Variants in SHANK2 observed in about 807,000 individuals in gnomAD.
SHANK2 encodes the protein SH3 and multiple ankyrin repeat domains 2, also known as SH3 and multiple ankyrin repeat domains protein 2.
SHANK2 carries 43 observed loss-of-function variants against 133.7 expected under a neutral mutation model. That is an observed-to-expected ratio of 0.32 (90% confidence interval 0.25 to 0.41). SHANK2 has a LOEUF of 0.41. Among genes scored for constraint, SHANK2 ranks in the 10% least tolerant of loss-of-function variants. The pLI is 1.00. For synonymous variants in SHANK2, 1,017 were observed against 952.8 expected (o/e 1.07, Z -1.24); for missense variants, 1,994 against 2,235.8 (o/e 0.89, Z 2.18).
chr11:70,863,983 G>T (rs1949306852), intron 11 of SHANK2: 7 of 397,588 alleles, frequency 1.8e-5, no homozygotes, highest in Non-Finnish European at 3.5e-5. Context: ...ACTTTCTTAT[G>T]GCAGCCCCAG....
chr11:70,561,817 G>A (rs2059911539), intron 17 of SHANK2, among the ~76,000 whole-genome samples: 1 of 152,084 alleles, frequency 6.6e-6, no homozygotes, highest in Non-Finnish European at 1.5e-5. Context: ...TTACAGGAGT[G>A]AGCCACCACA....
At chr11:71,064,327 GGAGA>G (rs1951020858) in intron 9 of SHANK2, among the ~76,000 whole-genome samples, 1 of 152,208 alleles carries the variant, frequency 6.6e-6, no homozygotes, top group Non-Finnish European at 1.5e-5. Context: ...TGGGATGGGA[GGAGA>G]GAGAGCCTGG....
chr11:70,892,633 C>T (rs1555074926), intron 11 of SHANK2, among the ~76,000 whole-genome samples: 1 of 152,174 alleles, frequency 6.6e-6, no homozygotes, highest in African/African-American at 2.4e-5. Flanking sequence ...CCAATTCCTC[C>T]AGCATGTGGC....
intron 14 of SHANK2, among the ~76,000 whole-genome samples, chr11:70,736,694 G>C (rs1487017526): frequency 6.6e-6 from 1 of 152,172 alleles, no homozygotes; most frequent in Non-Finnish European, 1.5e-5. Flanking sequence ...GCTGTTCTGA[G>C]CCACCCAGTT....
At chr11:70,902,011 C>T (rs1265401586) in intron 10 of SHANK2, among the ~76,000 whole-genome samples, 12 of 152,168 alleles carry the variant, frequency 7.9e-5, no homozygotes, top group African/African-American at 2.4e-4. Context: ...ACAGACCATA[C>T]GAGGGAGCCC....
chr11:70,616,816 G>A (rs1554996092), intron 17 of SHANK2, among the ~76,000 whole-genome samples: 1 of 152,180 alleles, frequency 6.6e-6, no homozygotes, highest in Non-Finnish European at 1.5e-5. Context: ...CAGTCCCCAG[G>A]CGAGGGGAGC....
At chr11:71,058,655 G>A (rs1332275372) in intron 9 of SHANK2, among the ~76,000 whole-genome samples, 2 of 152,240 alleles carry the variant, frequency 1.3e-5, no homozygotes, top group Non-Finnish European at 2.9e-5. Context: ...GGTCACAGCC[G>A]AAGCCTGTAC....
intron 14 of SHANK2, among the ~76,000 whole-genome samples, chr11:70,744,977 G>C (rs1555035658): frequency 6.6e-6 from 1 of 152,236 alleles, no homozygotes; most frequent in Non-Finnish European, 1.5e-5. Context: ...AGGCACAAGA[G>C]GACAGACACC....
At chr11:70,561,149 TGGCTAGA>T (rs2059904646) in intron 17 of SHANK2, among the ~76,000 whole-genome samples, 1 of 152,154 alleles carries the variant, frequency 6.6e-6, no homozygotes, top group Non-Finnish European at 1.5e-5. Flanking sequence ...TGGATCAGCC[TGGCTAGA>T]GGTTTCTATT....
intron 17 of SHANK2, among the ~76,000 whole-genome samples, chr11:70,587,389 C>T (rs887947876): frequency 2.0e-5 from 3 of 152,100 alleles, no homozygotes; most frequent in Non-Finnish European, 2.9e-5. Flanking sequence ...AGGAGCCTGT[C>T]GCGGCACCAC....
intron 17 of SHANK2, among the ~76,000 whole-genome samples, chr11:70,612,796 C>T (rs1406317478): frequency 6.6e-6 from 1 of 152,174 alleles, no homozygotes; most frequent in African/African-American, 2.4e-5. Context: ...TCATTTTGGC[C>T]TTTTTTTCTT....
chr11:70,643,201 G>A (rs1347005911), intron 17 of SHANK2, among the ~76,000 whole-genome samples: 1 of 152,138 alleles, frequency 6.6e-6, no homozygotes, highest in Non-Finnish European at 1.5e-5. Flanking sequence ...CAGAACTTTT[G>A]CATAACATTT....
chr11:70,884,496 G>C (rs1555073013), intron 11 of SHANK2, among the ~76,000 whole-genome samples: 1 of 152,206 alleles, frequency 6.6e-6, no homozygotes, highest in Non-Finnish European at 1.5e-5. Context: ...TATTTTGGAA[G>C]CCAGCCCTGC....
intron 17 of SHANK2, among the ~76,000 whole-genome samples, chr11:70,529,172 G>A (rs1353909757): frequency 1.3e-5 from 2 of 152,172 alleles, no homozygotes; most frequent in African/African-American, 4.8e-5. Context: ...TGTGGCACCA[G>A]CTCAGGACCC....
intron 14 of SHANK2, among the ~76,000 whole-genome samples, chr11:70,707,048 G>T (rs1169023618): frequency 6.6e-6 from 1 of 152,124 alleles, no homozygotes; most frequent in Non-Finnish European, 1.5e-5. Context: ...TTAAGGATGG[G>T]TTGGGAGGAG....
At chr11:70,660,330 A>G (rs782629952) in intron 16 of SHANK2, among the ~76,000 whole-genome samples, 2 of 152,218 alleles carry the variant, frequency 1.3e-5, no homozygotes, top group African/African-American at 4.8e-5. Context: ...GAAACACCAC[A>G]CTAAACCACT....
chr11:70,800,095 C>T (rs1303596348), intron 13 of SHANK2, among the ~76,000 whole-genome samples: 6 of 152,086 alleles, frequency 3.9e-5, no homozygotes, highest in South Asian at 2.1e-4. Context: ...GTCATCACAG[C>T]GCACTGCAGC....
chr11:70,863,797 G>A lies in SHANK2; in HGVS notation c.1174+32704C>T, dbSNP rs1555068437. 1.3e-5 allele frequency: 6 copies of A among 457,714 alleles called. No homozygotes were observed. In the Admixed American group the frequency reaches 1.4e-4, roughly 11 times the overall value. 28.4% of individuals were successfully genotyped at this position (457,714 alleles called of 1,614,324 possible). ...GGTCCTCATCCAACAGGAGAGGTGT[G>A]TTGTAAGAAGAGGAAACCTGGACAG... On this transcript the variant is annotated intron_variant, in intron 11 of 25. Coordinates refer to ENST00000601538, the MANE Select transcript of SHANK2 (RefSeq NM_012309.5).
At chr11:71,151,922 G>T (rs1952806023) in intron 2 of SHANK2, among the ~76,000 whole-genome samples, 1 of 151,720 alleles carries the variant, frequency 6.6e-6, no homozygotes, top group African/African-American at 2.4e-5. Context: ...GCCCACAAGA[G>T]CAGTCAGGGG....
Sources: allele counts gnomAD v4.1 joint callset (sites outside exome capture counted in the v4.1 genomes callset), GRCh38; gene constraint gnomAD v4.1.1; transcripts MANE v1.5; gene names NCBI Gene and HGNC (gene_info 2026-07-23, HGNC 2026-07-21).